SMYD3: variants seen among roughly 807,000 people sequenced by gnomAD.
SMYD3 encodes histone-lysine N-methyltransferase SMYD3.
A neutral mutation model predicts 57.7 loss-of-function variants in SMYD3; 36 were observed. The ratio of observed to expected loss-of-function variants is 0.62; its 90% CI spans 0.48 to 0.82. The LOEUF (loss-of-function observed/expected upper bound fraction) is 0.82, where lower values mean the gene tolerates loss of function less well. Ranked by LOEUF, SMYD3 falls within the 40% of genes least tolerant of loss-of-function variation. SMYD3 has a pLI of 0.00. For synonymous variants in SMYD3, 211 were observed against 195.0 expected (o/e 1.08, Z -0.68); for missense variants, 515 against 538.8 (o/e 0.96, Z 0.44).
intron 1 of SMYD3, among the ~76,000 whole-genome samples, chr1:246,436,555 G>A (rs563374625): frequency 1.1e-4 from 17 of 152,202 alleles, no homozygotes; most frequent in Middle Eastern, 3.4e-3. Context: ...AGTCTCCTCC[G>A]ATCTGTCATA....
intron 5 of SMYD3, among the ~76,000 whole-genome samples, chr1:246,185,663 A>G (rs183293859): frequency 1.0e-3 from 155 of 152,162 alleles, no homozygotes; most frequent in South Asian, 3.3e-3. Flanking sequence ...GGGTTTCACC[A>G]TGTTAGCCAG....
chr1:246,288,791 G>A (rs1283516521), intron 5 of SMYD3, among the ~76,000 whole-genome samples: 1 of 152,118 alleles, frequency 6.6e-6, no homozygotes, highest in Non-Finnish European at 1.5e-5. Flanking sequence ...ATGGGCTGAG[G>A]TAAGAAAATG....
At chr1:246,069,529 T>G (rs2060405886) in intron 5 of SMYD3, among the ~76,000 whole-genome samples, 1 of 152,208 alleles carries the variant, frequency 6.6e-6, no homozygotes, top group African/African-American at 2.4e-5. Context: ...TAAACATAAG[T>G]TCCTAAATGC....
chr1:245,839,391 G>T (rs28635712), intron 10 of SMYD3, among the ~76,000 whole-genome samples: 3 of 151,590 alleles, frequency 2.0e-5, no homozygotes, highest in Non-Finnish European at 2.9e-5. Flanking sequence ...GGATGGTCTC[G>T]ATCTCCTGAC....
At chr1:246,495,714 G>T (rs2103072875) in intron 1 of SMYD3, among the ~76,000 whole-genome samples, 1 of 152,202 alleles carries the variant, frequency 6.6e-6, no homozygotes, top group South Asian at 2.1e-4. Context: ...GCCAAGGCAG[G>T]GGGATCACTT....
chr1:245,757,142 C>T (rs1289626097), intron 11 of SMYD3, among the ~76,000 whole-genome samples: 2 of 152,038 alleles, frequency 1.3e-5, no homozygotes, highest in African/African-American at 4.8e-5. Context: ...AGCTTCCCAT[C>T]CCCTCCTCCC....
intron 5 of SMYD3, among the ~76,000 whole-genome samples, chr1:246,073,703 C>CAAGA (rs2147801140): frequency 6.6e-6 from 1 of 152,190 alleles, no homozygotes; most frequent in East Asian, 1.9e-4. Context: ...GGTGACAGGG[C>CAAGA]AAGACTCTGT....
intron 1 of SMYD3, among the ~76,000 whole-genome samples, chr1:246,489,778 G>C (rs1273228021): frequency 6.6e-6 from 1 of 152,148 alleles, no homozygotes; most frequent in Non-Finnish European, 1.5e-5. Context: ...CCAAGGTAGA[G>C]GCTGAAAGTA....
chr1:246,300,547 G>A (rs2064876778), intron 5 of SMYD3, among the ~76,000 whole-genome samples: 1 of 152,070 alleles, frequency 6.6e-6, no homozygotes, highest in Non-Finnish European at 1.5e-5. Context: ...GGACGCCAAG[G>A]TATGAATCTG....
intron 5 of SMYD3, among the ~76,000 whole-genome samples, chr1:246,300,067 T>G (rs186903204): frequency 2.0e-5 from 3 of 148,822 alleles, no homozygotes; most frequent in African/African-American, 7.8e-5. Context: ...TACAATGGAA[T>G]AGTATACAAC....
intron 11 of SMYD3, among the ~76,000 whole-genome samples, chr1:245,762,506 G>A (rs1398492175): frequency 2.0e-5 from 3 of 152,170 alleles, no homozygotes; most frequent in African/African-American, 7.2e-5. Flanking sequence ...TGGCTGACAA[G>A]TACCCCCAGA....
At chr1:245,879,448 C>T (rs573497010) in intron 8 of SMYD3, among the ~76,000 whole-genome samples, 85 of 152,310 alleles carry the variant, frequency 5.6e-4, no homozygotes, top group African/African-American at 1.9e-3. Flanking sequence ...AAGAGGACAA[C>T]GCTGAGTAAC....
intron 5 of SMYD3, among the ~76,000 whole-genome samples, chr1:246,067,624 C>T (rs2060365198): frequency 6.6e-6 from 1 of 152,120 alleles, no homozygotes; most frequent in Non-Finnish European, 1.5e-5. Flanking sequence ...AGCCCACAGC[C>T]TTGGGGCGCT....
At chr1:245,806,147 G>A (rs904422117) in intron 10 of SMYD3, among the ~76,000 whole-genome samples, 3 of 151,926 alleles carry the variant, frequency 2.0e-5, no homozygotes, top group Non-Finnish European at 4.4e-5. Flanking sequence ...CTCATAAAGA[G>A]GATAAAAGAA....
intron 10 of SMYD3, among the ~76,000 whole-genome samples, chr1:245,839,182 A>T (rs568151134): frequency 6.6e-4 from 101 of 152,092 alleles, no homozygotes; most frequent in African/African-American, 2.4e-3. Flanking sequence ...TTTAATTTTT[A>T]TTATTTTGAG....
intron 8 of SMYD3, among the ~76,000 whole-genome samples, chr1:245,867,668 G>GCACACA (rs376309765): frequency 2.1e-4 from 32 of 149,054 alleles, no homozygotes; most frequent in African/African-American, 6.6e-4. Context: ...GCGTGCGCGC[G>GCACACA]CACACACACA....
At chr1:246,308,426 ATTT>A (rs892262533) in intron 5 of SMYD3, among the ~76,000 whole-genome samples, 8 of 152,056 alleles carry the variant, frequency 5.3e-5, no homozygotes, top group African/African-American at 1.9e-4. Flanking sequence ...AGTCAAACCA[ATTT>A]TCCCCCACTT....
chr1:246,271,861 T>C (rs1038052699), intron 5 of SMYD3, among the ~76,000 whole-genome samples: 6 of 152,210 alleles, frequency 3.9e-5, no homozygotes, highest in African/African-American at 1.2e-4. Context: ...AGGGAACGCA[T>C]TGAATCTGTA....
At chr1:246,496,060 T>C (rs56069294) in intron 1 of SMYD3, among the ~76,000 whole-genome samples, 26,293 of 151,886 alleles carry the variant, frequency 0.17, 2,330 homozygotes, top group Non-Finnish European at 0.19. Context: ...TGTTTTGATA[T>C]GGAGTCTCAC....
Sources: allele counts gnomAD v4.1 joint callset (sites outside exome capture counted in the v4.1 genomes callset), GRCh38; gene constraint gnomAD v4.1.1; transcripts MANE v1.5; gene names NCBI Gene and HGNC (gene_info 2026-07-23, HGNC 2026-07-21).